AGBL4: variants seen among roughly 807,000 people sequenced by gnomAD.
The protein encoded by AGBL4 is AGBL carboxypeptidase 4.
AGBL4 carries 58 observed loss-of-function variants against 66.4 expected under a neutral mutation model. The ratio of observed to expected loss-of-function variants is 0.87; its 90% confidence interval spans 0.71 to 1.09. The LOEUF (loss-of-function observed/expected upper bound fraction) is 1.09. Among genes scored for constraint, AGBL4 ranks in the 50% least tolerant of loss-of-function variants. The pLI is 0.00. For synonymous variants in AGBL4, 234 were observed against 222.9 expected, an observed-to-expected ratio of 1.05 and a Z score of -0.44; for missense variants, 579 against 631.0, an observed-to-expected ratio of 0.92 and a Z score of 0.88.
chr1:48,631,656 A>C (rs929559733), intron 9 of AGBL4, among the ~76,000 whole-genome samples: 3 of 152,160 alleles, frequency 2.0e-5, no homozygotes. Flanking sequence ...AGCTTCCCAA[A>C]GTGCTGGGAT....
At chr1:48,937,498 C>T (rs1445860598) in intron 5 of AGBL4, among the ~76,000 whole-genome samples, 1 of 152,138 alleles carries the variant, frequency 6.6e-6, no homozygotes, top group African/African-American at 2.4e-5. Flanking sequence ...ACCCTAGACT[C>T]TGATTATGGG....
intron 11 of AGBL4, among the ~76,000 whole-genome samples, chr1:48,575,058 A>G (rs1164712140): frequency 1.3e-5 from 2 of 152,186 alleles, no homozygotes; most frequent in Non-Finnish European, 2.9e-5. Context: ...AATGAGCCTG[A>G]AGGATGGAGG....
At chr1:49,797,345 T>C (rs1260793125) in intron 2 of AGBL4, among the ~76,000 whole-genome samples, 2 of 152,230 alleles carry the variant, frequency 1.3e-5, no homozygotes, top group African/African-American at 4.8e-5. Flanking sequence ...TAAATGTTTA[T>C]AGAAGACAAG....
At position 48,800,187 on chromosome 1, in the gene AGBL4, G is replaced by A. The variant is rs561756681; in HGVS notation, c.634+67004C>T. 3.9e-5 allele frequency among the ~76,000 whole-genome samples: 6 copies of A among 152,214 alleles called. No homozygotes were observed. The East Asian group carries it at 5.8e-4, about 15-fold the overall frequency. On this transcript the variant is annotated intron_variant, in intron 6 of 13. Coordinates refer to ENST00000371839, the MANE Select transcript of AGBL4 (RefSeq NM_032785.4). ...TGTTTCAATCTCACCATTTGTTATCGGTCTGTTCAGAGTTTCTGTTTCTTC... is the reference window on the plus strand; with the variant it reads ...TGTTTCAATCTCACCATTTGTTATCAGTCTGTTCAGAGTTTCTGTTTCTTC...
intron 11 of AGBL4, among the ~76,000 whole-genome samples, chr1:48,546,294 A>T (rs1644158056): frequency 6.6e-6 from 1 of 152,226 alleles, no homozygotes; most frequent in Admixed American, 6.5e-5. Flanking sequence ...AGTGTCTTCT[A>T]ACAGCGTGCG....
chr1:48,579,016 T>G (rs1644696097), intron 11 of AGBL4, among the ~76,000 whole-genome samples: 1 of 152,094 alleles, frequency 6.6e-6, no homozygotes, highest in Non-Finnish European at 1.5e-5. Context: ...AAATCTATGT[T>G]GAGTCTATCC....
chr1:49,474,417 A>AT (rs35990126), intron 3 of AGBL4, among the ~76,000 whole-genome samples: 4 of 151,762 alleles, frequency 2.6e-5, no homozygotes, highest in East Asian at 3.9e-4. Flanking sequence ...CTTTTTACAC[A>AT]TTTTTTTGAG....
chr1:49,410,127 T>A (rs1046598983), intron 3 of AGBL4, among the ~76,000 whole-genome samples: 1 of 152,118 alleles, frequency 6.6e-6, no homozygotes, highest in Non-Finnish European at 1.5e-5. Flanking sequence ...TACTTGAACC[T>A]CTTAAGGATG....
chr1:48,795,204 TCAC>T (rs1280290589), intron 6 of AGBL4, among the ~76,000 whole-genome samples: 2 of 152,216 alleles, frequency 1.3e-5, no homozygotes, highest in Non-Finnish European at 2.9e-5. Flanking sequence ...GCAAATTTGA[TCAC>T]GTTACTCCTC....
At chr1:49,726,739 G>A (rs886184442) in intron 2 of AGBL4, among the ~76,000 whole-genome samples, 2 of 152,026 alleles carry the variant, frequency 1.3e-5, no homozygotes, top group Non-Finnish European at 2.9e-5. Context: ...CCTTGGGGAT[G>A]GCACAGATAA....
intron 3 of AGBL4, among the ~76,000 whole-genome samples, chr1:49,362,915 T>C (rs1024340251): frequency 1.3e-5 from 2 of 152,154 alleles, no homozygotes; most frequent in African/African-American, 4.8e-5. Context: ...TAGAGGCAGA[T>C]AATGAAACAA....
chr1:49,419,612 T>C (rs934569106), intron 3 of AGBL4, among the ~76,000 whole-genome samples: 8 of 152,186 alleles, frequency 5.3e-5, no homozygotes, highest in African/African-American at 1.7e-4. Flanking sequence ...ATTGGGAGGT[T>C]TTACATTTCA....
chr1:48,709,959 C>T (rs1385183752), intron 6 of AGBL4, among the ~76,000 whole-genome samples: 2 of 152,052 alleles, frequency 1.3e-5, no homozygotes, highest in Non-Finnish European at 2.9e-5. Context: ...TTGCAAGAAC[C>T]CCATGAAATA....
intron 6 of AGBL4, among the ~76,000 whole-genome samples, chr1:48,760,847 A>G (rs1644220148): frequency 6.6e-6 from 1 of 152,240 alleles, no homozygotes; most frequent in South Asian, 2.1e-4. Flanking sequence ...CAACTGGGGC[A>G]CACAGCAAGA....
intron 1 of AGBL4, among the ~76,000 whole-genome samples, chr1:49,901,927 AAAC>A (rs1382614174): frequency 1.3e-5 from 2 of 152,170 alleles, no homozygotes; most frequent in Non-Finnish European, 2.9e-5. Context: ...TGACAAACAT[AAAC>A]AACAAGGAAA....
At chr1:48,918,498 A>G (rs1653801527) in intron 5 of AGBL4, among the ~76,000 whole-genome samples, 1 of 152,162 alleles carries the variant, frequency 6.6e-6, no homozygotes. Context: ...CTAACCTCCA[A>G]TGTGATGGCA....
chr1:49,280,050 T>C (rs1289586474), intron 3 of AGBL4, among the ~76,000 whole-genome samples: 1 of 152,120 alleles, frequency 6.6e-6, no homozygotes, highest in Non-Finnish European at 1.5e-5. Context: ...AAGATTGGCC[T>C]TTCGAGATAT....
chr1:49,529,016 T>C (rs1650888763), intron 3 of AGBL4, among the ~76,000 whole-genome samples: 1 of 152,060 alleles, frequency 6.6e-6, no homozygotes, highest in Admixed American at 6.6e-5. Context: ...TAAAGAATCA[T>C]GGACCAAAAA....
chr1:49,403,997 T>C (rs1363677507), intron 3 of AGBL4, among the ~76,000 whole-genome samples: 3 of 152,172 alleles, frequency 2.0e-5, no homozygotes, highest in Non-Finnish European at 2.9e-5. Flanking sequence ...TAACTTCCTT[T>C]AGTTTTCAGG....
Sources: allele counts gnomAD v4.1 joint callset (sites outside exome capture counted in the v4.1 genomes callset), GRCh38; gene constraint gnomAD v4.1.1; transcripts MANE v1.5; gene names NCBI Gene and HGNC (gene_info 2026-07-23, HGNC 2026-07-21).